Variants in ODF1 observed in about 807,000 individuals in gnomAD.
The protein encoded by ODF1 is outer dense fiber of sperm tails 1.
Under a neutral mutation model 24.0 loss-of-function variants are expected in ODF1, and 10 were observed. The ratio of observed to expected loss-of-function variants is 0.42; its 90% CI spans 0.26 to 0.71. The LOEUF is 0.71. ODF1 is among the 30% of genes least tolerant of loss of function. ODF1 has a pLI of 0.28. For missense variants in ODF1, 282 were observed against 307.9 expected (o/e 0.92, Z 0.63); for synonymous variants, 118 against 121.3 (o/e 0.97, Z 0.18).
chr8:102,556,977 G>A (rs2033558), intron 1 of ODF1, among the ~76,000 whole-genome samples: 70,679 of 152,008 alleles, frequency 0.46, 16,872 homozygotes, highest in Middle Eastern at 0.63. Context: ...TTATCTTTGA[G>A]AAGATGGCTG....
intron 1 of ODF1, among the ~76,000 whole-genome samples, chr8:102,555,263 C>A (rs1305888099): frequency 6.6e-6 from 1 of 152,186 alleles, no homozygotes; most frequent in East Asian, 1.9e-4. Flanking sequence ...GGCTTCCCTG[C>A]CCTCTGTCTT....
At chr8:102,552,607 C>A (rs1826055995) in intron 1 of ODF1, among the ~76,000 whole-genome samples, 1 of 152,048 alleles carries the variant, frequency 6.6e-6, no homozygotes, top group South Asian at 2.1e-4. Flanking sequence ...ATCATGTTGG[C>A]CTCCCCTCTA....
Position 102,560,687 on chromosome 8 carries a change from G to T in ODF1, c.556G>T (p.Val186Leu). The T allele has an allele frequency of 6.2e-7, 1 of 1,614,086 alleles. No individual in the cohort carries two copies. The highest frequency in any genetic ancestry group is 8.5e-7 in the Non-Finnish European group (1 of 1,180,032). Residue 186 changes from valine (V) to leucine (L), a missense_variant, in exon 2 of 2, where the codon GTA becomes TTA. Val to Leu is a conservative substitution (Grantham distance 32). Coordinates refer to ENST00000285402, the MANE Select transcript of ODF1 (RefSeq NM_024410.4). ...GCCGCCCTGTGTGGATGAGAAGGATGTAACATACTCCTATGGGCTCGGCAG... is the reference window on the plus strand; with the variant it reads ...GCCGCCCTGTGTGGATGAGAAGGATTTAACATACTCCTATGGGCTCGGCAG... Reference protein sequence around the residue: ...SLPPCVDEKDVTYSYGLGSCV... With the variant: ...SLPPCVDEKDLTYSYGLGSCV...
intron 1 of ODF1, among the ~76,000 whole-genome samples, chr8:102,558,236 G>A (rs1174081381): frequency 6.6e-6 from 1 of 152,154 alleles, no homozygotes; most frequent in Non-Finnish European, 1.5e-5. Flanking sequence ...CGGATCACAA[G>A]GTCAGGAGAT....
chr8:102,559,404 T>A (rs999998589), intron 1 of ODF1, among the ~76,000 whole-genome samples: 1 of 151,700 alleles, frequency 6.6e-6, no homozygotes, highest in Admixed American at 6.6e-5. Context: ...CCACAGTAGC[T>A]CTGCAGTGAG....
In ODF1 at chr8:102,551,943, A is replaced by T; in HGVS notation, c.216A>T (p.Pro72=). The stretch of plus-strand genomic sequence containing the variant: ...CTTGCGGCCTGTGTGATCTCTACCC[A>T]TGTTGCCTGTGTGATTATAAGCTTT... The part of the protein sequence containing the change: ...SRSCGLCDLY[P]CCLCDYKLYC... The change falls in exon 1 of 2, where the codon CCA becomes CCT. Residue 72 remains proline (P), a synonymous_variant. Transcript: ENST00000285402. 1 of 1,614,118 alleles carries T rather than the reference A, an allele frequency of 6.2e-7. No individual in the cohort carries two copies. Among genetic ancestry groups the T allele is most frequent in the Non-Finnish European group, 8.5e-7 (1 of 1,180,026 alleles).
intron 1 of ODF1, among the ~76,000 whole-genome samples, chr8:102,553,451 G>T (rs552752060): frequency 6.6e-6 from 1 of 151,280 alleles, no homozygotes; most frequent in African/African-American, 2.4e-5. Context: ...CTCCCTCATA[G>T]CCTGGGAGCT....
rs1301385123 is a variant in ODF1, at chr8:102,560,736, G to T, written c.605G>T (p.Cys202Phe). The change falls in exon 2 of 2, where the codon TGC (cysteine) becomes TTC (phenylalanine). Residue 202 changes from cysteine to phenylalanine, a missense_variant. Coordinates refer to ENST00000285402, the MANE Select transcript of ODF1 (RefSeq NM_024410.4). The part of the protein sequence containing the change: ...LGSCVKIESP[C>F]YPCTSPCSPC... ...AGCTGTGTCAAGATCGAGTCTCCTT[G>T]CTACCCTTGCACTTCTCCTTGCAGC... 2 of 1,613,946 alleles carry T rather than the reference G, an allele frequency of 1.2e-6. No individual in the cohort carries two copies. Among genetic ancestry groups the T allele is most frequent in the Admixed American group, 3.3e-5 (2 of 59,996 alleles).
intron 1 of ODF1, among the ~76,000 whole-genome samples, chr8:102,552,951 G>C (rs1294397638): frequency 6.6e-6 from 1 of 151,200 alleles, no homozygotes; most frequent in African/African-American, 2.4e-5. Flanking sequence ...AACAAGCAAA[G>C]TGCAGAAAAA....
At chr8:102,554,238 A>G (rs951742918) in intron 1 of ODF1, among the ~76,000 whole-genome samples, 1 of 152,254 alleles carries the variant, frequency 6.6e-6, no homozygotes, top group Non-Finnish European at 1.5e-5. Flanking sequence ...CGCCTGATCC[A>G]TAACTAAATA....
intron 1 of ODF1, among the ~76,000 whole-genome samples, chr8:102,558,555 T>C (rs1452211769): frequency 2.0e-5 from 3 of 152,228 alleles, no homozygotes; most frequent in Admixed American, 6.5e-5. Context: ...TGGGACTGAG[T>C]TCTGTTTGAT....
chr8:102,560,323 T>A (rs57773710), intron 1 of ODF1, 129 bp from the exon 2 acceptor site: 2 of 835,822 alleles, frequency 2.4e-6, no homozygotes, highest in Non-Finnish European at 3.7e-6. Flanking sequence ...TGTGTAAAGT[T>A]TATTTTCACA....
intron 1 of ODF1, among the ~76,000 whole-genome samples, chr8:102,553,448 A>C (rs1356005735): frequency 6.6e-6 from 1 of 151,812 alleles, no homozygotes; most frequent in Non-Finnish European, 1.5e-5. Flanking sequence ...AACCTCCCTC[A>C]TAGCCTGGGA....
intron 1 of ODF1, among the ~76,000 whole-genome samples, chr8:102,553,625 A>G (rs892999165): frequency 5.3e-5 from 8 of 152,058 alleles, no homozygotes; most frequent in African/African-American, 1.9e-4. Context: ...CTCTCCTCCT[A>G]CTTTTGGATA....
At chr8:102,558,504 G>A (rs963424457) in intron 1 of ODF1, among the ~76,000 whole-genome samples, 2 of 152,068 alleles carry the variant, frequency 1.3e-5, no homozygotes, top group African/African-American at 4.8e-5. Flanking sequence ...CAGTCCTCTG[G>A]GTGTATTACA....
rs377699584 is a variant in ODF1 at position 102,560,800 on chromosome 8, CTGCAACCCG to C, written c.674_682del (p.Asn225_Cys227del). 1.1e-4 allele frequency: 93 copies of C among 853,420 alleles called. No individual in the cohort carries two copies. The highest frequency in any genetic ancestry group is 1.6e-4 in the African/African-American group (4 of 24,834). The allele number at this position is 853,420 out of a possible 1,614,324, so 52.9% of individuals were successfully genotyped here. On this transcript the variant is annotated inframe_deletion, in exon 2 of 2. Transcript: ENST00000285402. ...GCAGCCCCTGCAACCCCTGCAGCCC[CTGCAACCCG>C]TGCAGCCCATATGATCCTTGCAACC...
intron 1 of ODF1, among the ~76,000 whole-genome samples, chr8:102,554,034 T>C (rs1215966173): frequency 3.7e-5 from 1 of 26,912 alleles, no homozygotes; most frequent in African/African-American, 2.1e-4. Flanking sequence ...CTTGTGAAAT[T>C]TCTATGCTCT....
chr8:102,553,495 A>G (rs1826073659), intron 1 of ODF1, among the ~76,000 whole-genome samples: 1 of 152,016 alleles, frequency 6.6e-6, no homozygotes, highest in African/African-American at 2.4e-5. Context: ...TCTTTGAACC[A>G]ATGTTTGTTT....
chr8:102,556,839 A>T (rs1304037349), intron 1 of ODF1, among the ~76,000 whole-genome samples: 1 of 152,202 alleles, frequency 6.6e-6, no homozygotes, highest in Non-Finnish European at 1.5e-5. Flanking sequence ...GATGGGGCTA[A>T]ATTCAGGAGA....
Sources: gnomAD v4.1 joint callset for allele counts (sites outside exome capture counted in the v4.1 genomes callset) on GRCh38, gnomAD v4.1.1 for gene constraint, MANE v1.5 for transcripts, NCBI Gene and HGNC (gene_info 2026-07-23, HGNC 2026-07-21) for gene names.